LRP1B: variants seen among roughly 807,000 people sequenced by gnomAD.
LRP1B encodes the protein low-density lipoprotein receptor-related protein 1B.
Under a neutral mutation model 556.6 loss-of-function variants are expected in LRP1B, and 217 were observed. The observed-to-expected ratio is 0.39, with a 90% CI of 0.35 to 0.44. LRP1B has a LOEUF of 0.44. Among genes scored for constraint, LRP1B ranks in the 20% least tolerant of loss-of-function variants. The pLI, the probability that LRP1B is intolerant of heterozygous loss-of-function variation, is 1.00. For missense variants in LRP1B, 5,053 were observed against 5,620.8 expected (o/e 0.90, Z 3.23); for synonymous variants, 2,047 against 1,865.8 (o/e 1.10, Z -2.50).
At chr2:142,054,611 C>T (rs369066857) in intron 1 of LRP1B, among the ~76,000 whole-genome samples, 9 of 152,062 alleles carry the variant, frequency 5.9e-5, no homozygotes, top group South Asian at 4.1e-4. Flanking sequence ...TAGTCAAATT[C>T]GGCTTGTATT....
At chr2:141,305,288 A>G (rs530025437) in intron 3 of LRP1B, among the ~76,000 whole-genome samples, 24 of 152,252 alleles carry the variant, frequency 1.6e-4, no homozygotes, top group African/African-American at 5.8e-4. Context: ...TTCCTTGTAG[A>G]GGTCTCTCAC....
chr2:141,873,193 C>T (rs1378515876), intron 1 of LRP1B, among the ~76,000 whole-genome samples: 2 of 151,882 alleles, frequency 1.3e-5, no homozygotes, highest in Non-Finnish European at 2.9e-5. Flanking sequence ...CAGTGGCTTA[C>T]ACCTGTAATC....
intron 3 of LRP1B, among the ~76,000 whole-genome samples, chr2:141,263,973 AG>A (rs1299187883): frequency 6.6e-6 from 1 of 152,168 alleles, no homozygotes; most frequent in Non-Finnish European, 1.5e-5. Context: ...GTAGTAATAG[AG>A]GGGAATTTCT....
At chr2:140,351,608 C>G (rs188551806) in intron 76 of LRP1B, among the ~76,000 whole-genome samples, 116 of 152,102 alleles carry the variant, frequency 7.6e-4, no homozygotes, top group Admixed American at 2.6e-3. Flanking sequence ...GTGTAACATT[C>G]TATTCTAAAG....
intron 2 of LRP1B, among the ~76,000 whole-genome samples, chr2:141,666,596 G>T (rs759485170): frequency 3.3e-5 from 5 of 152,116 alleles, no homozygotes; most frequent in Non-Finnish European, 7.3e-5. Flanking sequence ...CTATGCTATG[G>T]ATGATTCAGG....
At chr2:141,891,056 CCT>C (rs1206246794) in intron 1 of LRP1B, among the ~76,000 whole-genome samples, 1 of 152,038 alleles carries the variant, frequency 6.6e-6, no homozygotes, top group Non-Finnish European at 1.5e-5. Flanking sequence ...GCAAAGATTA[CCT>C]CTCTTGAGAT....
At chr2:141,170,871 T>C (rs1189219840) in intron 7 of LRP1B, among the ~76,000 whole-genome samples, 4 of 152,148 alleles carry the variant, frequency 2.6e-5, no homozygotes, top group Admixed American at 2.0e-4. Context: ...TGAGTGAGAA[T>C]GTGGAATTTC....
At chr2:140,730,691 C>G (rs1687747669) in intron 35 of LRP1B, among the ~76,000 whole-genome samples, 1 of 152,084 alleles carries the variant, frequency 6.6e-6, no homozygotes, top group South Asian at 2.1e-4. Context: ...TCCCAAGTAG[C>G]TGGGATTACA....
chr2:142,053,907 G>A (rs1232427293), intron 1 of LRP1B, among the ~76,000 whole-genome samples: 4 of 152,132 alleles, frequency 2.6e-5, no homozygotes, highest in African/African-American at 2.4e-5. Flanking sequence ...AGGGACAAGA[G>A]TATACATAAT....
At chr2:140,907,159 A>T (rs1694281175) in intron 22 of LRP1B, among the ~76,000 whole-genome samples, 1 of 151,974 alleles carries the variant, frequency 6.6e-6, no homozygotes, top group East Asian at 1.9e-4. Flanking sequence ...CATTCTGTAA[A>T]CTGTTCTTCA....
intron 72 of LRP1B, among the ~76,000 whole-genome samples, chr2:140,362,423 G>A (rs527396887): frequency 2.0e-5 from 3 of 151,366 alleles, no homozygotes; most frequent in African/African-American, 7.3e-5. Context: ...ACTTACTATG[G>A]GATTATGTCC....
intron 83 of LRP1B, among the ~76,000 whole-genome samples, chr2:140,313,572 A>G (rs1684396535): frequency 6.6e-6 from 1 of 151,936 alleles, no homozygotes; most frequent in African/African-American, 2.4e-5. Flanking sequence ...TCATCCAGCT[A>G]TAACACCATG....
rs1574049357 is a variant in LRP1B, at chr2:141,529,403, A to T, written c.206-48870T>A. On this transcript the variant is annotated intron_variant, in intron 2 of 90. Transcript: ENST00000389484. ...TCTTGAAGAAAGGAAAAAGATTAAG[A>T]AGAGAGAACAGCAGAAAGTAGCAAA... Among the ~76,000 whole-genome samples, 3 of 152,204 alleles carry T rather than the reference A, an allele frequency of 2.0e-5. No individual in the cohort carries two copies. The East Asian group carries it at 5.8e-4, about 29-fold the overall frequency.
At chr2:141,868,171 T>C (rs1442143319) in intron 1 of LRP1B, among the ~76,000 whole-genome samples, 1 of 152,136 alleles carries the variant, frequency 6.6e-6, no homozygotes, top group African/African-American at 2.4e-5. Context: ...GCAGAAGTTT[T>C]GGTAACTACC....
chr2:140,795,621 G>C (rs1033086556), intron 32 of LRP1B, among the ~76,000 whole-genome samples: 18 of 151,990 alleles, frequency 1.2e-4, no homozygotes, highest in Non-Finnish European at 2.5e-4. Flanking sequence ...TGATATTCAG[G>C]CACTCATTAT....
At chr2:140,643,588 C>T (rs1684378247) in intron 41 of LRP1B, among the ~76,000 whole-genome samples, 1 of 152,052 alleles carries the variant, frequency 6.6e-6, no homozygotes, top group Non-Finnish European at 1.5e-5. Flanking sequence ...CTGATGTGAA[C>T]AAAGGTAACC....
At chr2:140,640,746 AAT>A (rs1684265463) in intron 41 of LRP1B, among the ~76,000 whole-genome samples, 1 of 152,092 alleles carries the variant, frequency 6.6e-6, no homozygotes, top group South Asian at 2.1e-4. Flanking sequence ...TATTTAATTC[AAT>A]ATATCATTCG....
chr2:140,469,348 G>C (rs1687674323), intron 60 of LRP1B, among the ~76,000 whole-genome samples: 1 of 152,140 alleles, frequency 6.6e-6, no homozygotes, highest in Non-Finnish European at 1.5e-5. Context: ...AGCAGACAGT[G>C]AGCCCTTTAC....
intron 41 of LRP1B, among the ~76,000 whole-genome samples, chr2:140,672,502 A>T (rs1343151697): frequency 6.6e-5 from 10 of 151,102 alleles, no homozygotes; most frequent in Admixed American, 1.3e-4. Context: ...AAAAAAAAAA[A>T]AAAAATTCAC....
Sources: gnomAD v4.1 joint callset for allele counts (sites outside exome capture counted in the v4.1 genomes callset) on GRCh38, gnomAD v4.1.1 for gene constraint, MANE v1.5 for transcripts, NCBI Gene and HGNC (gene_info 2026-07-23, HGNC 2026-07-21) for gene names.